The following NRXN1 variants were observed in gnomAD, a reference collection of about 807,000 sequenced individuals.
NRXN1 encodes neurexin 1.
Under a neutral mutation model 150.9 loss-of-function variants are expected in NRXN1, and 39 were observed. The observed-to-expected ratio is 0.26, with a 90% CI of 0.20 to 0.34. NRXN1 has a LOEUF of 0.34. NRXN1 is among the 10% of genes least tolerant of loss of function. NRXN1 has a pLI of 1.00. For synonymous variants in NRXN1, 924 were observed against 757.0 expected (o/e 1.22, Z -3.62); for missense variants, 1,815 against 1,949.9 (o/e 0.93, Z 1.30).
intron 17 of NRXN1, among the ~76,000 whole-genome samples, chr2:50,416,425 TC>T (rs2083543996): frequency 6.6e-6 from 1 of 152,072 alleles, no homozygotes; most frequent in African/African-American, 2.4e-5. Context: ...CCAGGTGACC[TC>T]CCCAAATATC....
At chr2:49,963,575 C>G (rs1676388087) in intron 21 of NRXN1, among the ~76,000 whole-genome samples, 1 of 152,034 alleles carries the variant, frequency 6.6e-6, no homozygotes, top group South Asian at 2.1e-4. Context: ...TGAAATAAGT[C>G]TTGATTACAG....
chr2:50,241,771 G>C (rs1052578495), intron 17 of NRXN1, among the ~76,000 whole-genome samples: 19 of 151,710 alleles, frequency 1.3e-4, no homozygotes, highest in African/African-American at 4.6e-4. Flanking sequence ...TTTACATATA[G>C]GGCTCTCTCC....
chr2:49,996,161 A>G (rs1682961440), intron 21 of NRXN1, among the ~76,000 whole-genome samples: 1 of 152,188 alleles, frequency 6.6e-6, no homozygotes, highest in Non-Finnish European at 1.5e-5. Flanking sequence ...TGTGTGTGAG[A>G]GTCATGAGAA....
intron 18 of NRXN1, among the ~76,000 whole-genome samples, chr2:50,124,383 T>C (rs1558928009): frequency 6.6e-6 from 1 of 152,194 alleles, no homozygotes; most frequent in Non-Finnish European, 1.5e-5. Context: ...TTAAGTTGTC[T>C]AGAACTCTGA....
intron 17 of NRXN1, among the ~76,000 whole-genome samples, chr2:50,377,267 GC>G (rs2080581052): frequency 6.6e-6 from 1 of 151,808 alleles, no homozygotes; most frequent in African/African-American, 2.4e-5. Context: ...CCCCTAACAG[GC>G]CCCAGTGTGT....
intron 18 of NRXN1, among the ~76,000 whole-genome samples, chr2:50,126,735 A>G (rs976337982): frequency 6.6e-6 from 1 of 152,112 alleles, no homozygotes; most frequent in Non-Finnish European, 1.5e-5. Flanking sequence ...ATTAACATTA[A>G]TGGAAACTAT....
At chr2:50,883,708 G>A (rs1054812180) in intron 5 of NRXN1, among the ~76,000 whole-genome samples, 3 of 151,742 alleles carry the variant, frequency 2.0e-5, no homozygotes, top group Non-Finnish European at 4.4e-5. Context: ...ATTACTCACT[G>A]TTAGTAGCAG....
chr2:50,276,025 T>G (rs1235531347), intron 17 of NRXN1, among the ~76,000 whole-genome samples: 1 of 147,750 alleles, frequency 6.8e-6, no homozygotes, highest in Non-Finnish European at 1.5e-5. Context: ...ATTTTGCTGG[T>G]TAATTTAAAC....
At chr2:50,652,036 G>A (rs1685716024) in intron 5 of NRXN1, among the ~76,000 whole-genome samples, 1 of 152,012 alleles carries the variant, frequency 6.6e-6, no homozygotes, top group Admixed American at 6.6e-5. Flanking sequence ...CTTGCAGGCT[G>A]GGCTAGCAGC....
chr2:50,671,011 T>A (rs1158520294), intron 5 of NRXN1, among the ~76,000 whole-genome samples: 1 of 151,902 alleles, frequency 6.6e-6, no homozygotes, highest in Non-Finnish European at 1.5e-5. Flanking sequence ...TATGTAAATA[T>A]CTTTTCTCTT....
In NRXN1 at chr2:50,341,915, A is replaced by G. The variant is rs918438309; in HGVS notation, c.3365-104945T>C. Among the ~76,000 whole-genome samples the G allele has an allele frequency of 2.6e-5, 4 of 152,160 alleles. 1 individual carries two copies. Among genetic ancestry groups the G allele is most frequent in the Admixed American group, 1.3e-4 (2 of 15,276 alleles). On this transcript the variant is annotated intron_variant, in intron 17 of 22. Transcript: ENST00000401669. ...CATAAACTTTATGTTTTTTGCATTT[A>G]TGCTTGGAAACTATGTATTTTTAAG... is the stretch of plus-strand genomic sequence containing the variant.
At chr2:50,650,143 C>T (rs1452432256) in intron 5 of NRXN1, among the ~76,000 whole-genome samples, 1 of 152,014 alleles carries the variant, frequency 6.6e-6, no homozygotes, top group Admixed American at 6.6e-5. Flanking sequence ...TAATAATGTA[C>T]TGAGGGCATC....
chr2:49,969,489 A>G (rs192591723), intron 21 of NRXN1, among the ~76,000 whole-genome samples: 4 of 152,204 alleles, frequency 2.6e-5, no homozygotes, highest in African/African-American at 9.6e-5. Context: ...TCTGACAATA[A>G]AATGGTTTTG....
intron 17 of NRXN1, among the ~76,000 whole-genome samples, chr2:50,440,345 A>C (rs1330747438): frequency 6.6e-6 from 1 of 152,102 alleles, no homozygotes; most frequent in Non-Finnish European, 1.5e-5. Flanking sequence ...ATGTACAACC[A>C]CTTAATGTTT....
chr2:50,625,157 G>T (rs780393184), intron 5 of NRXN1, among the ~76,000 whole-genome samples: 10 of 151,778 alleles, frequency 6.6e-5, no homozygotes, highest in Non-Finnish European at 1.5e-4. Flanking sequence ...TTAATCTCAG[G>T]ACTATTTTCA....
At chr2:50,182,290 A>G (rs2060782233) in intron 18 of NRXN1, among the ~76,000 whole-genome samples, 1 of 151,960 alleles carries the variant, frequency 6.6e-6, no homozygotes, top group South Asian at 2.1e-4. Flanking sequence ...TACATTTCAT[A>G]AGATTTTACA....
At chr2:50,914,633 A>G (rs973370135) in intron 5 of NRXN1, among the ~76,000 whole-genome samples, 3 of 151,758 alleles carry the variant, frequency 2.0e-5, no homozygotes, top group Non-Finnish European at 2.9e-5. Context: ...AGGGAATGAG[A>G]AAGATAAAAA....
intron 13 of NRXN1, among the ~76,000 whole-genome samples, chr2:50,504,120 G>T (rs77433908): frequency 1.6e-5 from 2 of 123,984 alleles, no homozygotes; most frequent in African/African-American, 7.0e-5. Flanking sequence ...GATTAAAGGA[G>T]GCTAAAGAAA....
At chr2:50,639,722 T>G (rs542307647) in intron 5 of NRXN1, among the ~76,000 whole-genome samples, 1 of 152,254 alleles carries the variant, frequency 6.6e-6, no homozygotes, top group South Asian at 2.1e-4. Flanking sequence ...ATAACTTTCA[T>G]ATAATCAAAC....
Sources: allele counts gnomAD v4.1 joint callset (sites outside exome capture counted in the v4.1 genomes callset), GRCh38; gene constraint gnomAD v4.1.1; transcripts MANE v1.5; gene names NCBI Gene and HGNC (gene_info 2026-07-23, HGNC 2026-07-21).